SORL1: variants seen among roughly 807,000 people sequenced by gnomAD.
SORL1 encodes sortilin related receptor 1, also known as sortilin-related receptor.
SORL1 carries 127 observed loss-of-function variants against 273.7 expected under a neutral mutation model. The ratio of observed to expected loss-of-function variants is 0.46; its 90% CI spans 0.40 to 0.54. SORL1 has a LOEUF of 0.54. Ranked by LOEUF, SORL1 falls within the 20% of genes least tolerant of loss-of-function variation. SORL1 has a pLI of 0.00. For missense variants in SORL1, 2,494 were observed against 2,846.1 expected (o/e 0.88, Z 2.81); for synonymous variants, 1,031 against 1,067.4 (o/e 0.97, Z 0.66).
intron 31 of SORL1, among the ~76,000 whole-genome samples, chr11:121,592,342 C>A (rs1347488455): frequency 6.6e-6 from 1 of 152,144 alleles, no homozygotes; most frequent in East Asian, 1.9e-4. Context: ...CTAATGGAAT[C>A]GCCTGGGGTG....
At chr11:121,478,349 T>C in intron 3 of SORL1, 106 bp downstream of exon 3, 4 of 1,278,544 alleles carry the variant, frequency 3.1e-6, no homozygotes, top group Non-Finnish European at 4.2e-6. Flanking sequence ...GTGATCTTTG[T>C]AGCATGACTG....
intron 28 of SORL1, 84 bp downstream of exon 28, chr11:121,588,235 A>C: frequency 6.7e-7 from 1 of 1,496,884 alleles, no homozygotes; most frequent in Non-Finnish European, 9.2e-7. Context: ...TTGTGTCTCT[A>C]TTTAATAACT....
At chr11:121,590,610 C>G (rs1863195971) in intron 30 of SORL1, 1 of 592,292 alleles carries the variant, frequency 1.7e-6, no homozygotes, top group East Asian at 2.8e-5. Context: ...TTCTGGCATT[C>G]TCATCTCTGA....
At chr11:121,566,789 G>T in intron 21 of SORL1, 151 bp from the exon 22 acceptor site, 1 of 676,860 alleles carries the variant, frequency 1.5e-6, no homozygotes. Context: ...TTTCAGCACA[G>T]TAGGCGCCCC....
intron 35 of SORL1, 101 bp downstream of exon 35, chr11:121,605,672 C>G: frequency 1.1e-6 from 1 of 927,368 alleles, no homozygotes; most frequent in Non-Finnish European, 1.7e-6. Context: ...CATATGTGTG[C>G]CTCACATGTA....
Position 121,550,717 on chromosome 11 carries a change from A to G in SORL1, c.2266+47A>G. ...CTTTCATTTCTTGAGACATGGTTGA[A>G]GCAGTATCACGATCTCACCCAAGTC... is the stretch of plus-strand genomic sequence containing the variant. On this transcript the variant is annotated intron_variant, in intron 16 of 47. Coordinates refer to ENST00000260197, the MANE Select transcript of SORL1 (RefSeq NM_003105.6). The surrounding 1 kb of genome is among the most constrained non-coding windows in gnomAD (Gnocchi z 5.3). The G allele has an allele frequency of 6.7e-7, 1 of 1,485,752 alleles. No homozygotes were observed. Among genetic ancestry groups the G allele is most frequent in the Non-Finnish European group, 9.4e-7 (1 of 1,068,352 alleles). 92.0% of individuals were successfully genotyped at this position (1,485,752 alleles called of 1,614,324 possible).
At chr11:121,612,896 G>T in intron 40 of SORL1, 64 bp downstream of exon 40, 8 of 1,169,722 alleles carry the variant, frequency 6.8e-6, no homozygotes, top group South Asian at 2.6e-5. Context: ...ATGCTTTCCC[G>T]CTGTAGAGCT....
intron 32 of SORL1, among the ~76,000 whole-genome samples, chr11:121,603,458 T>C (rs1292702323): frequency 2.0e-5 from 3 of 152,258 alleles, no homozygotes; most frequent in South Asian, 2.1e-4. Flanking sequence ...TTTGCAATTA[T>C]ACGGTCATTG....
intron 38 of SORL1, chr11:121,610,843 G>C (rs768934902): frequency 2.1e-5 from 9 of 421,904 alleles, no homozygotes; most frequent in Non-Finnish European, 3.9e-5. Context: ...TGACCTAATT[G>C]CCAGGATAGC....
At chr11:121,559,966 G>A (rs565841020) in intron 21 of SORL1, among the ~76,000 whole-genome samples, 1 of 152,280 alleles carries the variant, frequency 6.6e-6, no homozygotes, top group African/African-American at 2.4e-5. Context: ...GTCCTAACAT[G>A]TGCTTAATCC....
chr11:121,531,083 A>C (rs1020814023), intron 11 of SORL1, among the ~76,000 whole-genome samples: 2 of 151,988 alleles, frequency 1.3e-5, no homozygotes, highest in Admixed American at 1.3e-4. Flanking sequence ...CTCATGGGAC[A>C]TGGTTATAAT....
In SORL1 at chr11:121,496,866, CA is replaced by C. The variant is rs1565315289; in HGVS notation, c.759-2del. 2.6e-6 allele frequency: 4 copies of C among 1,566,738 alleles called. No individual in the cohort carries two copies. The highest frequency in any genetic ancestry group is 3.4e-6 in the Non-Finnish European group (4 of 1,160,130). On this transcript the variant is annotated splice_acceptor_variant, in intron 5 of 47. Coordinates refer to ENST00000260197, the MANE Select transcript of SORL1 (RefSeq NM_003105.6). LOFTEE classifies it high-confidence loss of function. Reference sequence around the variant, plus strand: ...TAACAACCTTTTTTTTTTTTTCTGCCAGGGGAATTGATCCCTATGACAAACC... The same window carrying C: ...TAACAACCTTTTTTTTTTTTTCTGCCGGGGAATTGATCCCTATGACAAACC...
Position 121,604,229 on chromosome 11 carries a change from T to A in SORL1, c.4556T>A (p.Phe1519Tyr), listed in dbSNP as rs757800678. 1.5e-5 allele frequency: 25 copies of A among 1,613,962 alleles called. No individual in the cohort carries two copies. Among genetic ancestry groups the A allele is most frequent in the Non-Finnish European group, 2.0e-5 (24 of 1,180,020 alleles). Reference protein sequence around the residue: ...HSTLTCMSREFQCEDGEACIV... With the variant: ...HSTLTCMSREYQCEDGEACIV... ...ACCTTGACTTGCATGAGCAGGGAGT[T>A]CCAGTGCGAGGACGGGGAGGCCTGC... Residue 1519 changes from phenylalanine to tyrosine, a missense_variant, in exon 33 of 48, where the codon TTC becomes TAC. Physicochemically the swap from Phe to Tyr is conservative, Grantham distance 22. Coordinates refer to ENST00000260197, the MANE Select transcript of SORL1 (RefSeq NM_003105.6).
chr11:121,475,240 C>G (rs1261757272), intron 2 of SORL1, among the ~76,000 whole-genome samples: 1 of 151,962 alleles, frequency 6.6e-6, no homozygotes, highest in African/African-American at 2.4e-5. Flanking sequence ...GTGCTCCAGC[C>G]TGAGTCATAG....
At chr11:121,534,705 G>T (rs962503819) in intron 12 of SORL1, among the ~76,000 whole-genome samples, 1 of 152,180 alleles carries the variant, frequency 6.6e-6, no homozygotes, top group Non-Finnish European at 1.5e-5. Flanking sequence ...TGAAAAGCAA[G>T]AAATAATATT....
At position 121,614,950 on chromosome 11, in the gene SORL1, T is replaced by C. The variant is rs1245845296; in HGVS notation, c.5499T>C (p.Phe1833=). Reference sequence around the variant, plus strand: ...ACTTGGGGGATAGCCCTCTGGCATTTGAGCATGTTATGACCAGAGGGGTTC... The same window carrying C: ...ACTTGGGGGATAGCCCTCTGGCATTCGAGCATGTTATGACCAGAGGGGTTC... The part of the protein sequence containing the change: ...KTDLGDSPLA[F]EHVMTRGVRP... The change falls in exon 41 of 48, where the codon TTT becomes TTC. Residue 1833 remains phenylalanine (F), a synonymous_variant. Coordinates refer to ENST00000260197, the MANE Select transcript of SORL1 (RefSeq NM_003105.6). 54 of 1,613,704 alleles carry C rather than the reference T, an allele frequency of 3.3e-5. No individual in the cohort carries two copies. In the East Asian group the frequency reaches 1.2e-3, roughly 36 times the overall value.
At chr11:121,521,657 A>G (rs1438173975) in intron 9 of SORL1, among the ~76,000 whole-genome samples, 4 of 152,236 alleles carry the variant, frequency 2.6e-5, no homozygotes, top group Admixed American at 6.5e-5. Flanking sequence ...GCAGAGAAGC[A>G]TGAGTCAGAA....
At position 121,479,032 on chromosome 11, in the gene SORL1, G is replaced by A. The variant is rs369493798; in HGVS notation, c.528+789G>A. On this transcript the variant is annotated intron_variant, in intron 3 of 47. Transcript: ENST00000260197. ...TGTGTGCACGTGGGTACCTGCGTGCGTGTGTTGGTGCAACCCTCTGTCCCC... is the reference window on the plus strand; with the variant it reads ...TGTGTGCACGTGGGTACCTGCGTGCATGTGTTGGTGCAACCCTCTGTCCCC... Among the ~76,000 whole-genome samples, 14 of 152,240 alleles carry A rather than the reference G, an allele frequency of 9.2e-5. No homozygotes were observed. In the East Asian group the frequency reaches 1.4e-3, roughly 15 times the overall value.
Position 121,563,456 on chromosome 11 carries a change from T to C in SORL1, c.3050-3484T>C, listed in dbSNP as rs471957. Reference sequence around the variant, plus strand: ...TGTTACCCCGGCTGGAGTGCAGTGATGTGATCTTGGCTCACTGCAACCTCT... The same window carrying C: ...TGTTACCCCGGCTGGAGTGCAGTGACGTGATCTTGGCTCACTGCAACCTCT... On this transcript the variant is annotated intron_variant, in intron 21 of 47. Transcript: ENST00000260197. The surrounding 1 kb of genome is among the most constrained non-coding windows in gnomAD (Gnocchi z 4.2). Among the ~76,000 whole-genome samples the C allele has an allele frequency of 0.62, 95,032 of 152,066 alleles. 30,436 individuals carry two copies. Among genetic ancestry groups the C allele is most frequent in the Non-Finnish European group, 0.71 (47,938 of 67,982 alleles).
Sources: gnomAD v4.1 joint callset for allele counts (sites outside exome capture counted in the v4.1 genomes callset) on GRCh38, gnomAD v4.1.1 for gene constraint, Gnocchi (gnomAD v3.1) non-coding constraint, MANE v1.5 for transcripts, NCBI Gene and HGNC (gene_info 2026-07-23, HGNC 2026-07-21) for gene names.